The following EFR3A variants were observed in gnomAD, a reference collection of about 807,000 sequenced individuals.
The protein encoded by EFR3A is EFR3 homolog A, also known as protein EFR3 homolog A.
EFR3A carries 76 observed loss-of-function variants against 104.4 expected under a neutral mutation model. That is an observed-to-expected ratio of 0.73 (90% CI 0.60 to 0.88). The LOEUF is 0.88. EFR3A is among the 40% of genes least tolerant of loss of function. EFR3A has a pLI of 0.00. For missense variants in EFR3A, 985 were observed against 1,012.5 expected, an observed-to-expected ratio of 0.97 and a Z score of 0.37; for synonymous variants, 330 against 330.0, an observed-to-expected ratio of 1.00 and a Z score of 0.00.
chr8:131,972,256 C>A (rs1407386801), intron 10 of EFR3A, among the ~76,000 whole-genome samples: 1 of 139,616 alleles, frequency 7.2e-6, no homozygotes, highest in Non-Finnish European at 1.5e-5. Flanking sequence ...CTCCCTGAAC[C>A]TTTTTTTTTT....
intron 1 of EFR3A, among the ~76,000 whole-genome samples, chr8:131,920,926 G>A (rs1816984463): frequency 6.6e-6 from 1 of 152,024 alleles, no homozygotes; most frequent in South Asian, 2.1e-4. Context: ...TCAAATATTT[G>A]GTAAATACAT....
At chr8:131,983,960 G>A (rs1020877116) in intron 14 of EFR3A, among the ~76,000 whole-genome samples, 179 bp from the exon 15 acceptor site, 3 of 152,078 alleles carry the variant, frequency 2.0e-5, no homozygotes, top group Non-Finnish European at 4.4e-5. Flanking sequence ...GTTTGTAGTT[G>A]TATATTAGCA....
intron 1 of EFR3A, among the ~76,000 whole-genome samples, chr8:131,930,956 C>A (rs1817571282): frequency 6.6e-6 from 1 of 152,062 alleles, no homozygotes; most frequent in South Asian, 2.1e-4. Flanking sequence ...TTCCCGAATA[C>A]CTGAAGTACA....
chr8:131,940,308 G>A (rs1281017135), intron 1 of EFR3A, 191 bp from the exon 2 acceptor site: 3 of 590,518 alleles, frequency 5.1e-6, no homozygotes, highest in Non-Finnish European at 8.6e-6. Flanking sequence ...TAGAAGCTGT[G>A]TGTCTTTGGA....
intron 1 of EFR3A, among the ~76,000 whole-genome samples, chr8:131,926,715 GCTCAGGTGATACTCCCTCCTTAGC>G (rs1181779245): frequency 2.0e-5 from 3 of 151,982 alleles, no homozygotes; most frequent in Admixed American, 6.6e-5. Flanking sequence ...AGTCTCCTGG[GCTCAGGTGATACTCCCTCCTTAGC>G]CTCCCGAGTA....
At chr8:131,925,582 A>G (rs1043283744) in intron 1 of EFR3A, among the ~76,000 whole-genome samples, 14 of 152,188 alleles carry the variant, frequency 9.2e-5, no homozygotes, top group African/African-American at 3.4e-4. Flanking sequence ...AAATGATACA[A>G]ATATACTGGC....
At chr8:131,940,419 A>T in intron 1 of EFR3A, 80 bp from the exon 2 acceptor site, 1 of 1,317,382 alleles carries the variant, frequency 7.6e-7, no homozygotes, top group Non-Finnish European at 1.0e-6. Flanking sequence ...ATAGCCCATT[A>T]ATATTCAGAA....
At chr8:131,940,295 T>C in intron 1 of EFR3A, 2 of 564,294 alleles carry the variant, frequency 3.5e-6, no homozygotes, top group Non-Finnish European at 6.1e-6. Context: ...ACCTAAAAAT[T>C]CTTAGAAGCT....
chr8:132,010,415 T>C (rs1013547373), intron 22 of EFR3A, among the ~76,000 whole-genome samples: 5 of 54,496 alleles, frequency 9.2e-5, no homozygotes, highest in African/African-American at 4.6e-4. Context: ...GAGATATATA[T>C]ATATATATAT....
At chr8:131,931,050 G>A (rs554205498) in intron 1 of EFR3A, among the ~76,000 whole-genome samples, 21 of 152,226 alleles carry the variant, frequency 1.4e-4, no homozygotes, top group East Asian at 3.9e-4. Flanking sequence ...CCGAATGAAC[G>A]TGGGTGTGCA....
chr8:131,913,380 G>C (rs1462789384), intron 1 of EFR3A, among the ~76,000 whole-genome samples: 1 of 151,414 alleles, frequency 6.6e-6, no homozygotes. Context: ...TATCCCTTTT[G>C]CATATGTATT....
At position 132,011,167 on chromosome 8, in the gene EFR3A, T is replaced by G. The variant is rs1377358689; in HGVS notation, c.*272T>G. ...ATGTTTTGGTTTCACTTTATTCCAC[T>G]GTTAAGTAGTATGTTTTAAACTTTT... On this transcript the variant is annotated 3_prime_UTR_variant, in exon 23 of 23. Coordinates refer to ENST00000254624, the MANE Select transcript of EFR3A (RefSeq NM_015137.6). 2.7e-6 allele frequency: 3 copies of G among 1,104,864 alleles called. No homozygotes were observed. Among genetic ancestry groups the G allele is most frequent in the Non-Finnish European group, 3.3e-6 (3 of 902,790 alleles). The allele number at this position is 1,104,864 out of a possible 1,614,324, so 68.4% of individuals were successfully genotyped here. A position where few individuals can be genotyped will look rare whatever the true frequency, so the allele number is the denominator to read the frequency against.
At chr8:131,913,644 G>A (rs1193533564) in intron 1 of EFR3A, among the ~76,000 whole-genome samples, 1 of 152,076 alleles carries the variant, frequency 6.6e-6, no homozygotes, top group Admixed American at 6.5e-5. Flanking sequence ...TGAACTCCAG[G>A]GTATTTCTGC....
intron 1 of EFR3A, among the ~76,000 whole-genome samples, chr8:131,907,556 G>C (rs191494165): frequency 6.6e-6 from 1 of 152,124 alleles, no homozygotes. Context: ...TAATAATATG[G>C]TTACTCCATG....
At chr8:131,955,310 T>C (rs1818920645) in intron 6 of EFR3A, among the ~76,000 whole-genome samples, 1 of 152,192 alleles carries the variant, frequency 6.6e-6, no homozygotes, top group African/African-American at 2.4e-5. Context: ...TATTGTCTGC[T>C]GAAGACAGCT....
At position 132,010,941 on chromosome 8, in the gene EFR3A, T is replaced by G. The variant is rs1193091491; in HGVS notation, c.*46T>G. 1 of 1,526,252 alleles carries G rather than the reference T, an allele frequency of 6.6e-7. No homozygotes were observed. The highest frequency in any genetic ancestry group is 1.7e-5 in the Admixed American group (1 of 57,644). 94.5% of individuals were successfully genotyped at this position (1,526,252 alleles called of 1,614,324 possible). A position where few individuals can be genotyped will look rare whatever the true frequency, so the allele number is the denominator to read the frequency against. On this transcript the variant is annotated 3_prime_UTR_variant, in exon 23 of 23. Coordinates refer to ENST00000254624, the MANE Select transcript of EFR3A (RefSeq NM_015137.6). Reference sequence around the variant, plus strand: ...GATATGATTTGTAAAGCCTAAAAATTAAGGCCAAGCTGAGCTTTCAGGGTT... The same window carrying G: ...GATATGATTTGTAAAGCCTAAAAATGAAGGCCAAGCTGAGCTTTCAGGGTT...
chr8:131,921,947 C>T (rs940865192), intron 1 of EFR3A, among the ~76,000 whole-genome samples: 3 of 152,150 alleles, frequency 2.0e-5, no homozygotes, highest in Non-Finnish European at 4.4e-5. Context: ...AACAAGGTAG[C>T]ACAAACTGGG....
At chr8:131,945,182 T>C (rs1054184969) in intron 3 of EFR3A, among the ~76,000 whole-genome samples, 13 of 152,008 alleles carry the variant, frequency 8.6e-5, no homozygotes, top group African/African-American at 3.1e-4. Flanking sequence ...ATCAGTGCAA[T>C]ACTGTAATTT....
intron 1 of EFR3A, among the ~76,000 whole-genome samples, chr8:131,931,948 A>G (rs916947810): frequency 6.6e-6 from 1 of 152,008 alleles, no homozygotes; most frequent in East Asian, 1.9e-4. Context: ...TGGTTTGCCT[A>G]GGATGGTCAA....
Sources: gnomAD v4.1 joint callset for allele counts (sites outside exome capture counted in the v4.1 genomes callset) on GRCh38, gnomAD v4.1.1 for gene constraint, MANE v1.5 for transcripts, NCBI Gene and HGNC (gene_info 2026-07-23, HGNC 2026-07-21) for gene names.